NAMPT: variants seen among roughly 807,000 people sequenced by gnomAD.
The protein encoded by NAMPT is nicotinamide phosphoribosyltransferase.
Under a neutral mutation model 58.7 loss-of-function variants are expected in NAMPT, and 7 were observed. The ratio of observed to expected loss-of-function variants is 0.12; its 90% confidence interval spans 0.07 to 0.22. The LOEUF is 0.22. Ranked by LOEUF, NAMPT falls within the 10% of genes least tolerant of loss-of-function variation. NAMPT has a pLI of 1.00. For synonymous variants in NAMPT, 145 were observed against 198.1 expected (o/e 0.73, Z 2.25); for missense variants, 271 against 567.9 (o/e 0.48, Z 5.31).
chr7:106,273,720 A>G (rs1201743734), intron 3 of NAMPT, among the ~76,000 whole-genome samples: 1 of 152,140 alleles, frequency 6.6e-6, no homozygotes, highest in Admixed American at 6.5e-5. Context: ...TTATCCTTAC[A>G]ACAAACCTCA....
chr7:106,272,691 A>G (rs2115800103), intron 3 of NAMPT, 33 bp from the exon 4 acceptor site: 1 of 1,608,000 alleles, frequency 6.2e-7, no homozygotes, highest in East Asian at 2.2e-5. Context: ...TTATTTATTC[A>G]ACAGATGATA....
intron 6 of NAMPT, among the ~76,000 whole-genome samples, chr7:106,267,876 A>AAAAACAAAAAAAAAC (rs1189395299): frequency 7.7e-6 from 1 of 130,394 alleles, no homozygotes; most frequent in Non-Finnish European, 1.7e-5. Context: ...AAAAAAAAAA[A>AAAAACAAAAAAAAAC]CAACCTGATT....
intron 3 of NAMPT, among the ~76,000 whole-genome samples, chr7:106,273,005 A>G (rs556668593): frequency 6.6e-6 from 1 of 152,344 alleles, no homozygotes; most frequent in South Asian, 2.1e-4. Context: ...TTATTCCAAC[A>G]TATTCTAAAA....
chr7:106,256,572 T>G (rs1040199690), intron 8 of NAMPT, among the ~76,000 whole-genome samples: 1 of 152,220 alleles, frequency 6.6e-6, no homozygotes, highest in Non-Finnish European at 1.5e-5. Context: ...ATACAATGGT[T>G]CAACTTAACA....
Position 106,284,880 on chromosome 7 carries a change from T to G in NAMPT, c.5A>C (p.Asn2Thr), listed in dbSNP as rs1792840525. Residue 2 changes from asparagine to threonine, a missense_variant, in exon 1 of 11, where the codon AAT becomes ACT. Coordinates refer to ENST00000222553, the MANE Select transcript of NAMPT (RefSeq NM_005746.3). M[N>T]PAAEAEFNIL... ...GTTGAACTCGGCTTCTGCCGCAGGA[T>G]TCATCTCGGGCCGGAGGACAGGGGC... 6.3e-7 allele frequency: 1 copy of G among 1,584,330 alleles called. No individual in the cohort carries two copies. Among genetic ancestry groups the G allele is most frequent in the East Asian group, 2.3e-5 (1 of 43,516 alleles).
Position 106,252,164 on chromosome 7 carries a change from C to CACTT in NAMPT, c.1365+849_1365+852dup, listed in dbSNP as rs541567145. ...TTAAATCAGTGTCTTTTAAAAATCA[C>CACTT]ACTTAGATTTTTACTTTTAGTTTGA... On this transcript the variant is annotated intron_variant, in intron 10 of 10. Coordinates refer to ENST00000222553, the MANE Select transcript of NAMPT (RefSeq NM_005746.3). Among the ~76,000 whole-genome samples, 7 of 152,182 alleles carry CACTT rather than the reference C, an allele frequency of 4.6e-5. No homozygotes were observed. The East Asian group carries it at 1.2e-3, about 25-fold the overall frequency.
intron 1 of NAMPT, among the ~76,000 whole-genome samples, chr7:106,282,103 G>A (rs746011837): frequency 2.3e-4 from 35 of 152,106 alleles, no homozygotes; most frequent in Non-Finnish European, 4.4e-4. Flanking sequence ...CCCCACTCAT[G>A]AGGCTCAGGT....
At chr7:106,269,129 A>T (rs748987494) in intron 5 of NAMPT, 25 bp downstream of exon 5, 1 of 1,593,260 alleles carries the variant, frequency 6.3e-7, no homozygotes, top group East Asian at 2.2e-5. Context: ...CATTATATTA[A>T]ATGAGGTTGG....
At chr7:106,269,041 A>C in intron 5 of NAMPT, 113 bp downstream of exon 5, 1 of 998,926 alleles carries the variant, frequency 1.0e-6, no homozygotes, top group South Asian at 1.7e-5. Flanking sequence ...TGTTGGTTGA[A>C]TCTTTGGAAT....
At chr7:106,268,416 C>T in intron 6 of NAMPT, 48 bp downstream of exon 6, 2 of 1,570,714 alleles carry the variant, frequency 1.3e-6, no homozygotes, top group South Asian at 1.2e-5. Context: ...GTTACAAATA[C>T]AAGAGTGAAA....
chr7:106,259,251 T>C (rs1192860424), intron 8 of NAMPT, among the ~76,000 whole-genome samples: 1 of 152,220 alleles, frequency 6.6e-6, no homozygotes, highest in Non-Finnish European at 1.5e-5. Context: ...ACCACATTTG[T>C]AGTTACTTCC....
At chr7:106,256,209 A>G (rs1211097830) in intron 8 of NAMPT, among the ~76,000 whole-genome samples, 1 of 152,226 alleles carries the variant, frequency 6.6e-6, no homozygotes, top group Admixed American at 6.5e-5. Flanking sequence ...CTGAAACACA[A>G]CAGAAAAAGA....
At chr7:106,254,939 G>A (rs915983664) in intron 8 of NAMPT, among the ~76,000 whole-genome samples, 2 of 152,144 alleles carry the variant, frequency 1.3e-5, no homozygotes, top group African/African-American at 4.8e-5. Flanking sequence ...ACAATACACT[G>A]TATAATTACA....
intron 4 of NAMPT, 89 bp from the exon 5 acceptor site, chr7:106,269,401 G>A: frequency 8.1e-7 from 1 of 1,228,122 alleles, no homozygotes; most frequent in Non-Finnish European, 1.1e-6. Flanking sequence ...TTTTTTGGAG[G>A]TATGTCCTGA....
upstream of NAMPT, chr7:106,285,136 TC>T (rs1484590389): frequency 7.0e-6 from 9 of 1,283,640 alleles, no homozygotes; most frequent in African/African-American, 1.4e-4. Context: ...CCACCTCGGT[TC>T]CCCCGCCTTC....
intron 7 of NAMPT, among the ~76,000 whole-genome samples, 185 bp from the exon 8 acceptor site, chr7:106,261,892 C>T (rs1792309936): frequency 6.6e-6 from 1 of 151,814 alleles, no homozygotes; most frequent in African/African-American, 2.4e-5. Context: ...GGTTAAAGTA[C>T]ATTAAAAACA....
At chr7:106,265,945 A>T (rs551563106) in intron 6 of NAMPT, among the ~76,000 whole-genome samples, 23 of 152,356 alleles carry the variant, frequency 1.5e-4, no homozygotes, top group African/African-American at 5.3e-4. Context: ...CTAAATTTAT[A>T]GAGTTCTCTT....
In NAMPT at chr7:106,260,708, C is replaced by T. The variant is rs76239059; in HGVS notation, c.1089+880G>A. On this transcript the variant is annotated intron_variant, in intron 8 of 10. Coordinates refer to ENST00000222553, the MANE Select transcript of NAMPT (RefSeq NM_005746.3). ...TGACTTTTCCATTCACTTGAATACT[C>T]AGAGGCCACTGTGGGGTTATTAATT... Among the ~76,000 whole-genome samples, 6 of 152,258 alleles carry T rather than the reference C, an allele frequency of 3.9e-5. No individual in the cohort carries two copies. The East Asian group carries it at 1.2e-3, about 29-fold the overall frequency.
At chr7:106,283,287 C>T (rs751203833) in intron 1 of NAMPT, among the ~76,000 whole-genome samples, 4 of 152,028 alleles carry the variant, frequency 2.6e-5, no homozygotes, top group Non-Finnish European at 5.9e-5. Context: ...AGATAATTCA[C>T]TATTCTAACT....
Sources: allele counts gnomAD v4.1 joint callset (sites outside exome capture counted in the v4.1 genomes callset), GRCh38; gene constraint gnomAD v4.1.1; transcripts MANE v1.5; gene names NCBI Gene and HGNC (gene_info 2026-07-23, HGNC 2026-07-21).